The following TMEM132D variants were observed in gnomAD, a reference collection of about 807,000 sequenced individuals.
The protein encoded by TMEM132D is transmembrane protein 132D, also known as mature OL transmembrane protein.
TMEM132D carries 21 observed loss-of-function variants against 62.3 expected under a neutral mutation model. The observed-to-expected ratio is 0.34, with a 90% CI of 0.24 to 0.49. The LOEUF is 0.49. Among genes scored for constraint, TMEM132D ranks in the 20% least tolerant of loss-of-function variants. TMEM132D has a pLI of 0.99. For missense variants in TMEM132D, 1,346 were observed against 1,402.8 expected (o/e 0.96, Z 0.65); for synonymous variants, 621 against 575.6 (o/e 1.08, Z -1.13).
intron 5 of TMEM132D, among the ~76,000 whole-genome samples, chr12:129,165,480 G>A (rs1877516665): frequency 6.6e-6 from 1 of 152,202 alleles, no homozygotes; most frequent in Non-Finnish European, 1.5e-5. Flanking sequence ...AAATGGATCA[G>A]TTGTTTTAGG....
chr12:129,499,183 A>T (rs1205650374), intron 3 of TMEM132D, among the ~76,000 whole-genome samples: 1 of 152,218 alleles, frequency 6.6e-6, no homozygotes, highest in South Asian at 2.1e-4. Context: ...AACAAAAAAC[A>T]TATGCAAAAT....
intron 1 of TMEM132D, among the ~76,000 whole-genome samples, chr12:129,895,976 T>C (rs1414073673): frequency 6.7e-6 from 1 of 149,132 alleles, no homozygotes; most frequent in African/African-American, 2.5e-5. Context: ...TTTTTTTTTT[T>C]TTTTTTTGTT....
At chr12:129,759,730 T>C (rs1027533231) in intron 1 of TMEM132D, among the ~76,000 whole-genome samples, 1 of 152,218 alleles carries the variant, frequency 6.6e-6, no homozygotes, top group African/African-American at 2.4e-5. Context: ...AATGTTGATG[T>C]ATACAGCTGT....
chr12:129,293,222 A>C (rs1298272041), intron 4 of TMEM132D, among the ~76,000 whole-genome samples: 4 of 152,158 alleles, frequency 2.6e-5, no homozygotes, highest in African/African-American at 7.2e-5. Flanking sequence ...CTCTGGACCC[A>C]AAAAGTCAGT....
chr12:129,201,108 C>T (rs1332842255), intron 5 of TMEM132D, among the ~76,000 whole-genome samples: 1 of 152,200 alleles, frequency 6.6e-6, no homozygotes, highest in Admixed American at 6.5e-5. Context: ...TCAGGTAGGG[C>T]TACAGCCCCC....
chr12:129,688,435 G>A (rs538579008), intron 2 of TMEM132D, among the ~76,000 whole-genome samples: 5 of 152,246 alleles, frequency 3.3e-5, no homozygotes, highest in Non-Finnish European at 4.4e-5. Context: ...TGGTCCTAAT[G>A]AGCCATTGCT....
chr12:129,087,920 CTGACCGGGTGTCCTCCA>C (rs1874685022), intron 5 of TMEM132D, among the ~76,000 whole-genome samples: 13 of 25,730 alleles, frequency 5.1e-4, no homozygotes, highest in South Asian at 4.7e-3. Context: ...GGTGTCCTCC[CTGACCGGGTGTCCTCCA>C]TGACCGGGGT....
chr12:129,626,426 C>T (rs1879215393), intron 2 of TMEM132D, among the ~76,000 whole-genome samples: 1 of 151,970 alleles, frequency 6.6e-6, no homozygotes, highest in African/African-American at 2.4e-5. Context: ...TATTTGCATA[C>T]TACTCAATTG....
chr12:129,842,289 G>C (rs1394823552), intron 1 of TMEM132D, among the ~76,000 whole-genome samples: 1 of 151,798 alleles, frequency 6.6e-6, no homozygotes. Context: ...CCCCACAATT[G>C]CAACATCTCA....
intron 1 of TMEM132D, among the ~76,000 whole-genome samples, chr12:129,716,311 T>C (rs1868571713): frequency 6.6e-6 from 1 of 152,178 alleles, no homozygotes; most frequent in African/African-American, 2.4e-5. Flanking sequence ...CTCAGGCACA[T>C]GCTCTGGCTC....
intron 1 of TMEM132D, among the ~76,000 whole-genome samples, chr12:129,771,255 C>T (rs978009654): frequency 2.0e-5 from 3 of 152,194 alleles, no homozygotes; most frequent in Admixed American, 2.0e-4. Flanking sequence ...GGTTCCATTC[C>T]TGGCTCTACC....
chr12:129,884,645 G>C (rs143037251), intron 1 of TMEM132D, among the ~76,000 whole-genome samples: 1 of 152,342 alleles, frequency 6.6e-6, no homozygotes, highest in Non-Finnish European at 1.5e-5. Context: ...TGGAACAGCT[G>C]GAACCTTACA....
At chr12:129,245,186 C>T (rs936701619) in intron 4 of TMEM132D, among the ~76,000 whole-genome samples, 2 of 152,238 alleles carry the variant, frequency 1.3e-5, no homozygotes, top group Non-Finnish European at 2.9e-5. Context: ...GTCTCACTGC[C>T]GTAAAAATTT....
chr12:129,557,117 CAGAG>C (rs1417455137), intron 2 of TMEM132D, among the ~76,000 whole-genome samples: 2 of 152,170 alleles, frequency 1.3e-5, no homozygotes, highest in Non-Finnish European at 2.9e-5. Context: ...TCTTCCTTAT[CAGAG>C]TTAAGTTTTA....
intron 3 of TMEM132D, among the ~76,000 whole-genome samples, chr12:129,423,802 C>A (rs1409178336): frequency 2.0e-5 from 3 of 152,164 alleles, no homozygotes; most frequent in Non-Finnish European, 2.9e-5. Context: ...ACAAGGAAAG[C>A]TACCACCCAC....
chr12:129,700,328 G>C lies in TMEM132D; in HGVS notation c.450C>G (p.His150Gln), dbSNP rs1186441702. The change falls in exon 2 of 9, where the codon CAC (histidine) becomes CAG (glutamine). Residue 150 changes from histidine (H) to glutamine (Q), a missense_variant. Transcript: ENST00000422113. The stretch of plus-strand genomic sequence containing the variant: ...GGTCGTCCCAGTCTCTGCCCATGAT[G>C]TGGAACAGAACCTGCACTTTGGGCC... ...LSRPKVQVLF[H>Q]IMGRDWDDRS... The C allele has an allele frequency of 6.2e-7, 1 of 1,613,924 alleles. No individual in the cohort carries two copies. The highest frequency in any genetic ancestry group is 1.3e-5 in the African/African-American group (1 of 74,944).
chr12:129,647,788 A>T (rs1879825941), intron 2 of TMEM132D, among the ~76,000 whole-genome samples: 1 of 152,152 alleles, frequency 6.6e-6, no homozygotes, highest in South Asian at 2.1e-4. Flanking sequence ...TGATTTGTAG[A>T]AGATCTTTAA....
intron 3 of TMEM132D, among the ~76,000 whole-genome samples, chr12:129,514,852 C>T (rs1157850839): frequency 6.6e-6 from 1 of 152,162 alleles, no homozygotes; most frequent in Non-Finnish European, 1.5e-5. Context: ...CCTGAAATTG[C>T]AGCACTGTTC....
chr12:129,074,715 G>T lies in TMEM132D; in HGVS notation c.2460C>A (p.Asn820Lys). 1 of 1,614,120 alleles carries T rather than the reference G, an allele frequency of 6.2e-7. No individual in the cohort carries two copies. Among genetic ancestry groups the T allele is most frequent in the Non-Finnish European group, 8.5e-7 (1 of 1,180,028 alleles). ...RHTGAGVHME[N>K]NVSDRRPKKP... ...TTTTGGGCCTTCTGTCACTGACATT[G>T]TTTTCCATGTGAACCCCTGCCCCTG... is the stretch of plus-strand genomic sequence containing the variant. Residue 820 changes from asparagine to lysine, a missense_variant, in exon 9 of 9, where the codon AAC becomes AAA. Transcript: ENST00000422113.
Sources: allele counts gnomAD v4.1 joint callset (sites outside exome capture counted in the v4.1 genomes callset), GRCh38; gene constraint gnomAD v4.1.1; transcripts MANE v1.5; gene names NCBI Gene and HGNC (gene_info 2026-07-23, HGNC 2026-07-21).